Variants in ACACA observed in about 807,000 individuals in gnomAD.
ACACA encodes the protein acetyl-CoA carboxylase 1.
In ACACA, 103 loss-of-function variants were observed where a neutral mutation model predicts 296.1. The observed-to-expected ratio is 0.35, with a 90% confidence interval of 0.30 to 0.41. The LOEUF (loss-of-function observed/expected upper bound fraction) is 0.41, where lower values mean the gene tolerates loss of function less well. Ranked by LOEUF, ACACA falls within the 10% of genes least tolerant of loss-of-function variation. ACACA has a pLI of 1.00. For missense variants in ACACA, 1,554 were observed against 2,989.7 expected (o/e 0.52, Z 11.20); for synonymous variants, 953 against 1,038.6 (o/e 0.92, Z 1.58).
chr17:37,367,987 A>C (rs1198176319), intron 1 of ACACA, among the ~76,000 whole-genome samples: 1 of 152,186 alleles, frequency 6.6e-6, no homozygotes, highest in Non-Finnish European at 1.5e-5. Flanking sequence ...GAATTGCTTG[A>C]ACCCGGGAGG....
chr17:37,330,162 C>T lies in ACACA; in HGVS notation c.338+11G>A. The T allele has an allele frequency of 1.9e-6, 3 of 1,614,018 alleles. No individual in the cohort carries two copies. The highest frequency in any genetic ancestry group is 3.3e-4 in the Middle Eastern group (2 of 6,062). Reference sequence around the variant, plus strand: ...CAGATTAAATAAGTAGACCATTGAACTCTCTCTTACCTTATGTGCAAGGCC... The same window carrying T: ...CAGATTAAATAAGTAGACCATTGAATTCTCTCTTACCTTATGTGCAAGGCC... On this transcript the variant is annotated intron_variant, in intron 3 of 55. Coordinates refer to ENST00000616317, the MANE Select transcript of ACACA (RefSeq NM_198834.3).
intron 52 of ACACA, among the ~76,000 whole-genome samples, chr17:37,107,067 G>A (rs530566149): frequency 2.6e-5 from 4 of 152,220 alleles, no homozygotes; most frequent in Admixed American, 1.3e-4. Context: ...ATCTACCTTC[G>A]TGATAGAAAG....
At chr17:37,224,969 T>C (rs1325270939) in intron 27 of ACACA, 23 bp downstream of exon 27, 12 of 412,076 alleles carry the variant, frequency 2.9e-5, no homozygotes, top group South Asian at 2.3e-4. Flanking sequence ...GAAAGGGTTA[T>C]ATATATATAT....
chr17:37,247,255 C>T (rs545469211), intron 18 of ACACA, among the ~76,000 whole-genome samples: 9 of 152,186 alleles, frequency 5.9e-5, no homozygotes, highest in African/African-American at 1.9e-4. Context: ...ATATTGATGA[C>T]GTAATAGCTA....
intron 52 of ACACA, among the ~76,000 whole-genome samples, chr17:37,106,712 C>T (rs1324262581): frequency 1.3e-5 from 2 of 152,106 alleles, no homozygotes; most frequent in Non-Finnish European, 2.9e-5. Context: ...TTTTCCTTCC[C>T]TAATTTGCTC....
chr17:37,185,290 T>C (rs999585803), intron 39 of ACACA, among the ~76,000 whole-genome samples: 1 of 151,948 alleles, frequency 6.6e-6, no homozygotes, highest in Non-Finnish European at 1.5e-5. Context: ...TGGAGTGTGG[T>C]GTCACAATCA....
At chr17:37,394,208 T>C (rs1021252760) in intron 1 of ACACA, among the ~76,000 whole-genome samples, 3 of 151,786 alleles carry the variant, frequency 2.0e-5, no homozygotes, top group Non-Finnish European at 4.4e-5. Context: ...CTGTTTCTTT[T>C]CTTTTTCTTT....
chr17:37,274,401 G>T, intron 8 of ACACA, 102 bp from the exon 9 acceptor site: 1 of 1,155,946 alleles, frequency 8.7e-7, no homozygotes, highest in Non-Finnish European at 1.3e-6. Context: ...ACCCAAAACT[G>T]AGAGTGGATG....
intron 3 of ACACA, among the ~76,000 whole-genome samples, chr17:37,323,875 G>A (rs1365418854): frequency 6.6e-6 from 1 of 152,202 alleles, no homozygotes; most frequent in African/African-American, 2.4e-5. Context: ...CATAGGAGCA[G>A]AGAAACTGCC....
At chr17:37,228,613 T>C (rs868598865) in intron 25 of ACACA, among the ~76,000 whole-genome samples, 8 of 152,100 alleles carry the variant, frequency 5.3e-5, no homozygotes, top group Admixed American at 1.3e-4. Flanking sequence ...AAGGAAAGAA[T>C]TGACAGATAA....
Position 37,161,878 on chromosome 17 carries a change from A to G in ACACA, c.5252T>C (p.Ile1751Thr). The G allele has an allele frequency of 6.2e-7, 1 of 1,614,172 alleles. No individual in the cohort carries two copies. Among genetic ancestry groups the G allele is most frequent in the Non-Finnish European group, 8.5e-7 (1 of 1,180,034 alleles). Reference sequence around the variant, plus strand: ...TGCTCCACTGTTGGCTGATACATAGATGCGTGGAATACCTTCTGCCCTAGC... The same window carrying G: ...TGCTCCACTGTTGGCTGATACATAGGTGCGTGGAATACCTTCTGCCCTAGC... ...ELARAEGIPR[I>T]YVSANSGARI... The change falls in exon 42 of 56, where the codon ATC becomes ACC. Residue 1751 changes from isoleucine (I) to threonine (T), a missense_variant. Transcript: ENST00000616317.
chr17:37,272,871 TAAAAAA>T (rs1026452713), intron 9 of ACACA, among the ~76,000 whole-genome samples: 2 of 152,018 alleles, frequency 1.3e-5, no homozygotes, highest in Non-Finnish European at 2.9e-5. Flanking sequence ...TGAAAAGGGA[TAAAAAA>T]ATGAATAGGT....
intron 5 of ACACA, among the ~76,000 whole-genome samples, chr17:37,281,798 G>A (rs534225689): frequency 2.6e-5 from 4 of 152,244 alleles, no homozygotes; most frequent in South Asian, 2.1e-4. Context: ...CCCAGGAGGC[G>A]GAGGTTGCAG....
intron 29 of ACACA, among the ~76,000 whole-genome samples, chr17:37,216,548 G>T (rs995840229): frequency 6.6e-6 from 1 of 150,770 alleles, no homozygotes; most frequent in Non-Finnish European, 1.5e-5. Flanking sequence ...AATTATTGGA[G>T]TTTTTTTTTC....
intron 45 of ACACA, among the ~76,000 whole-genome samples, chr17:37,144,984 GAGAATGTGCTCTCTCTCCCCA>G (rs1248125145): frequency 6.6e-6 from 1 of 152,136 alleles, no homozygotes. Context: ...TCTCTGGATA[GAGAATGTGCTCTCTCTCCCCA>G]AGTCTGGGGC....
chr17:37,299,323 A>T (rs1267331713), intron 3 of ACACA: 1 of 1,613,898 alleles, frequency 6.2e-7, no homozygotes, highest in South Asian at 1.1e-5. Context: ...TCCTCTGGAG[A>T]ACCCTCCATA....
At chr17:37,209,820 T>C (rs2078669945) in intron 30 of ACACA, among the ~76,000 whole-genome samples, 1 of 152,196 alleles carries the variant, frequency 6.6e-6, no homozygotes, top group Non-Finnish European at 1.5e-5. Context: ...CCTTGCTTGG[T>C]TCAAGAGACA....
At chr17:37,361,289 A>G (rs1352602881) in intron 1 of ACACA, among the ~76,000 whole-genome samples, 1 of 151,798 alleles carries the variant, frequency 6.6e-6, no homozygotes, top group Non-Finnish European at 1.5e-5. Context: ...CGCCCACCTT[A>G]GCCTCCCAAA....
chr17:37,404,080 G>T (rs2051382385), intron 1 of ACACA, among the ~76,000 whole-genome samples: 1 of 152,152 alleles, frequency 6.6e-6, no homozygotes, highest in South Asian at 2.1e-4. Context: ...GCCCCTGAAT[G>T]CTATGTTTTT....
Sources: allele counts gnomAD v4.1 joint callset (sites outside exome capture counted in the v4.1 genomes callset), GRCh38; gene constraint gnomAD v4.1.1; transcripts MANE v1.5; gene names NCBI Gene and HGNC (gene_info 2026-07-23, HGNC 2026-07-21).